The following AKAP8 variants were observed in gnomAD, a reference collection of about 807,000 sequenced individuals.
AKAP8 encodes A-kinase anchoring protein 8, also known as A-kinase anchor protein 8.
In AKAP8, 24 loss-of-function variants were observed where a neutral mutation model predicts 67.5. The ratio of observed to expected loss-of-function variants is 0.36; its 90% CI spans 0.26 to 0.50. AKAP8 has a LOEUF of 0.50. Ranked by LOEUF, AKAP8 falls within the 20% of genes least tolerant of loss-of-function variation. The pLI, the probability that AKAP8 is intolerant of heterozygous loss-of-function variation, is 0.97. For missense variants in AKAP8, 971 were observed against 955.9 expected, an observed-to-expected ratio of 1.02 and a Z score of -0.21; for synonymous variants, 400 against 371.1, an observed-to-expected ratio of 1.08 and a Z score of -0.90.
Position 15,374,059 on chromosome 19 carries a change from T to C in AKAP8, c.98A>G (p.Glu33Gly). 2 of 1,552,526 alleles carry C rather than the reference T, an allele frequency of 1.3e-6. No homozygotes were observed. Among genetic ancestry groups the C allele is most frequent in the South Asian group, 1.2e-5 (1 of 81,968 alleles). Residue 33 changes from glutamate to glycine, a missense_variant, in exon 4 of 14, where the codon GAA (glutamate) becomes GGA (glycine). Physicochemically the swap from Glu to Gly is moderately conservative, Grantham distance 98. Coordinates refer to ENST00000269701, the MANE Select transcript of AKAP8 (RefSeq NM_005858.4). ...CTGGGCGCCATAGTAATTGTAGTTT[T>C]CATAACCTGTCACAGGGGGAGGAGC... ...GTGVASWQGY[E>G]NYNYYGAQNT...
chr19:15,373,931 G>A lies in AKAP8; in HGVS notation c.226C>T (p.His76Tyr), dbSNP rs540992457. The change falls in exon 4 of 14, where the codon CAC (histidine) becomes TAC (tyrosine). Residue 76 changes from histidine (H) to tyrosine (Y), a missense_variant. Transcript: ENST00000269701. ...GGCTCTGGGCCGTAAGAGGCCATGT[G>A]CATGGCAGGGGCCCCGGCCGCCAGG... is the stretch of plus-strand genomic sequence containing the variant. ...GGLAAGAPAM[H>Y]MASYGPEPCT... 69 of 1,613,930 alleles carry A rather than the reference G, an allele frequency of 4.3e-5. 1 individual carries two copies. The highest frequency in any genetic ancestry group is 2.5e-4 in the South Asian group (23 of 91,068).
In AKAP8 at chr19:15,365,621, C is replaced by T. The variant is rs1967055746; in HGVS notation, c.1160+2614G>A. Among the ~76,000 whole-genome samples the T allele has an allele frequency of 3.9e-5, 6 of 152,324 alleles. No homozygotes were observed. In the South Asian group the frequency reaches 1.2e-3, roughly 32 times the overall value. ...AGCCCCTACGTAGGCGGGGAGGGGACAATCTCCCGGGGCTCATACACAGCA... is the reference window on the plus strand; with the variant it reads ...AGCCCCTACGTAGGCGGGGAGGGGATAATCTCCCGGGGCTCATACACAGCA... On this transcript the variant is annotated intron_variant, in intron 9 of 13. Transcript: ENST00000269701.
chr19:15,357,752 C>T (rs1438749761), intron 13 of AKAP8, among the ~76,000 whole-genome samples: 3 of 147,022 alleles, frequency 2.0e-5, no homozygotes, highest in Non-Finnish European at 4.5e-5. Context: ...CTCACTCTGC[C>T]ATCCAGGCTG....
chr19:15,360,824 G>A lies in AKAP8; in HGVS notation c.1527+24C>T, dbSNP rs201980887. ...CCGCAGCCCTGCAATGAGCACCCCA[G>A]GCAGTGTGGGGAGGAAGACTCACCC... On this transcript the variant is annotated intron_variant, in intron 12 of 13. Coordinates refer to ENST00000269701, the MANE Select transcript of AKAP8 (RefSeq NM_005858.4). 18 of 1,607,076 alleles carry A rather than the reference G, an allele frequency of 1.1e-5. No homozygotes were observed. In the African/African-American group the frequency reaches 2.0e-4, roughly 18 times the overall value.
At chr19:15,365,610 C>A (rs931170265) in intron 9 of AKAP8, among the ~76,000 whole-genome samples, 1 of 152,164 alleles carries the variant, frequency 6.6e-6, no homozygotes, top group Non-Finnish European at 1.5e-5. Context: ...CCTACGTAGG[C>A]GGGGAGGGGA....
rs919491659 is a variant in AKAP8, at chr19:15,379,448, C to A, written c.19+265G>T. The stretch of plus-strand genomic sequence containing the variant: ...CGGCCCACACTGTCTAAGACGCCCC[C>A]ACGAAGCCCACCGCGGCGTCTGCCC... On this transcript the variant is annotated intron_variant, in intron 1 of 13. Coordinates refer to ENST00000269701, the MANE Select transcript of AKAP8 (RefSeq NM_005858.4). 5.0e-5 allele frequency: 23 copies of A among 456,108 alleles called. No individual in the cohort carries two copies. The Admixed American group carries it at 9.0e-4, about 18-fold the overall frequency. 28.3% of individuals were successfully genotyped at this position (456,108 alleles called of 1,614,324 possible).
At chr19:15,378,081 G>A (rs1284509875) in intron 1 of AKAP8, among the ~76,000 whole-genome samples, 1 of 152,208 alleles carries the variant, frequency 6.6e-6, no homozygotes, top group Non-Finnish European at 1.5e-5. Context: ...CCTAGTGCGT[G>A]CCGATACACC....
intron 12 of AKAP8, among the ~76,000 whole-genome samples, chr19:15,359,727 AAAAC>A (rs1966934932): frequency 1.3e-5 from 2 of 152,206 alleles, no homozygotes; most frequent in East Asian, 1.9e-4. Flanking sequence ...ATTAAAAACA[AAAAC>A]AAAAACAAAA....
intron 5 of AKAP8, 25 bp downstream of exon 5, chr19:15,372,826 C>T (rs772905185): frequency 2.2e-5 from 32 of 1,480,748 alleles, no homozygotes; most frequent in East Asian, 4.7e-5. Context: ...CGAAGGCGGC[C>T]GGAAGGAACC....
rs1307498398 is a variant in AKAP8, at chr19:15,374,583, C to A, written c.91+20G>T. On this transcript the variant is annotated intron_variant, in intron 3 of 13. Transcript: ENST00000269701. Reference sequence around the variant, plus strand: ...AGGCCCACTTGCCCGCCCACAGACCCCCCCCACAGAAGGGCTTACCTTGCC... The same window carrying A: ...AGGCCCACTTGCCCGCCCACAGACCACCCCCACAGAAGGGCTTACCTTGCC... The A allele has an allele frequency of 2.5e-6, 4 of 1,612,636 alleles. No individual in the cohort carries two copies. The highest frequency in any genetic ancestry group is 1.7e-5 in the Admixed American group (1 of 59,882).
At chr19:15,367,883 A>T (rs561474706) in intron 9 of AKAP8, among the ~76,000 whole-genome samples, 1 of 152,342 alleles carries the variant, frequency 6.6e-6, no homozygotes, top group South Asian at 2.1e-4. Context: ...GCAGGAGAGT[A>T]ACAGAGCCCG....
intron 9 of AKAP8, among the ~76,000 whole-genome samples, chr19:15,365,281 G>T (rs182754101): frequency 6.6e-6 from 1 of 152,206 alleles, no homozygotes. Context: ...ACAAAACCCA[G>T]TATCAGTTCT....
chr19:15,378,817 A>C (rs537622468), intron 1 of AKAP8, among the ~76,000 whole-genome samples: 2 of 152,316 alleles, frequency 1.3e-5, no homozygotes, highest in African/African-American at 2.4e-5. Flanking sequence ...CTGATTCCAG[A>C]AGCAGGGAGC....
chr19:15,361,066 C>A (rs1966957076), intron 11 of AKAP8, 88 bp from the exon 12 acceptor site: 2 of 1,508,586 alleles, frequency 1.3e-6, no homozygotes, highest in Non-Finnish European at 1.8e-6. Flanking sequence ...TTTCTCCCTG[C>A]AACTCTAAGG....
Position 15,373,062 on chromosome 19 carries a change from G to C in AKAP8, c.650C>G (p.Ser217Cys), listed in dbSNP as rs764505670. The part of the protein sequence containing the change: ...SDPFVPPAAS[S>C]EPLSTPWNEL... ...GTTCCAGGGCGTGGACAGGGGCTCA[G>C]AGGACGCAGCGGGGGGCACGAAGGG... The change falls in exon 5 of 14, where the codon TCT becomes TGT. Residue 217 changes from serine to cysteine, a missense_variant. Physicochemically the swap from Ser to Cys is moderately radical, Grantham distance 112. Coordinates refer to ENST00000269701, the MANE Select transcript of AKAP8 (RefSeq NM_005858.4). 2 of 1,607,358 alleles carry C rather than the reference G, an allele frequency of 1.2e-6. No individual in the cohort carries two copies. Among genetic ancestry groups the C allele is most frequent in the Non-Finnish European group, 1.7e-6 (2 of 1,176,436 alleles).
chr19:15,370,273 C>T (rs1469873704), intron 7 of AKAP8, 94 bp from the exon 8 acceptor site: 54 of 1,432,218 alleles, frequency 3.8e-5, no homozygotes, highest in Non-Finnish European at 5.0e-5. Context: ...GGTGGGCAGT[C>T]TCACCCAAGA....
At chr19:15,376,950 T>C (rs1407806596) in intron 2 of AKAP8, 26 bp downstream of exon 2, 2 of 1,607,882 alleles carry the variant, frequency 1.2e-6, no homozygotes, top group African/African-American at 2.7e-5. Context: ...AGCCCACGCC[T>C]CACCCGCAAA....
chr19:15,362,759 C>T (rs1303480799), intron 9 of AKAP8, among the ~76,000 whole-genome samples: 1 of 152,114 alleles, frequency 6.6e-6, no homozygotes, highest in Non-Finnish European at 1.5e-5. Flanking sequence ...GCCGAGATTG[C>T]AGCCTCTGCC....
chr19:15,379,341 G>A (rs1025110957), intron 1 of AKAP8: 34 of 256,136 alleles, frequency 1.3e-4, no homozygotes, highest in African/African-American at 7.6e-4. Context: ...ATTTTGTGGC[G>A]TCTTCGGAAG....
Sources: gnomAD v4.1 joint callset for allele counts (sites outside exome capture counted in the v4.1 genomes callset) on GRCh38, gnomAD v4.1.1 for gene constraint, MANE v1.5 for transcripts, NCBI Gene and HGNC (gene_info 2026-07-23, HGNC 2026-07-21) for gene names.